LIN28B: variants seen among roughly 807,000 people sequenced by gnomAD.
LIN28B encodes protein lin-28 homolog B.
Under a neutral mutation model 21.9 loss-of-function variants are expected in LIN28B, and 5 were observed. The observed-to-expected ratio is 0.23, with a 90% CI of 0.12 to 0.48. LIN28B has a LOEUF of 0.48. LIN28B is among the 20% of genes least tolerant of loss of function. LIN28B has a pLI of 0.98. For synonymous variants in LIN28B, 109 were observed against 111.3 expected (o/e 0.98, Z 0.13); for missense variants, 245 against 310.5 (o/e 0.79, Z 1.58).
chr6:104,981,901 G>T (rs1770233422), intron 2 of LIN28B, among the ~76,000 whole-genome samples: 1 of 152,120 alleles, frequency 6.6e-6, no homozygotes, highest in Non-Finnish European at 1.5e-5. Context: ...CTACAAATAA[G>T]GTTATGTGAT....
chr6:105,053,831 C>T (rs1437871127), intron 3 of LIN28B, among the ~76,000 whole-genome samples: 1 of 151,916 alleles, frequency 6.6e-6, no homozygotes, highest in Non-Finnish European at 1.5e-5. Context: ...CTCCCGGGTT[C>T]AAGTAATTCT....
chr6:104,966,455 T>A (rs972973479), intron 2 of LIN28B, among the ~76,000 whole-genome samples: 1 of 151,738 alleles, frequency 6.6e-6, no homozygotes, highest in African/African-American at 2.4e-5. Context: ...ATTATAAGAG[T>A]TTTTCTGGTT....
intron 2 of LIN28B, among the ~76,000 whole-genome samples, chr6:104,986,916 C>T (rs1770358138): frequency 2.0e-5 from 3 of 152,194 alleles, no homozygotes; most frequent in South Asian, 2.1e-4. Flanking sequence ...CTAGGGTCAA[C>T]GAACTTTCTC....
intron 2 of LIN28B, among the ~76,000 whole-genome samples, chr6:104,971,280 A>G (rs1455176477): frequency 6.6e-6 from 1 of 152,114 alleles, no homozygotes; most frequent in Non-Finnish European, 1.5e-5. Flanking sequence ...TCTAATAGGC[A>G]TTTTTGTTTA....
chr6:105,027,893 C>T (rs1046957399), intron 3 of LIN28B, among the ~76,000 whole-genome samples: 29 of 152,018 alleles, frequency 1.9e-4, no homozygotes, highest in Non-Finnish European at 7.4e-5. Flanking sequence ...TTCATATTTT[C>T]CTATTGGTTT....
intron 3 of LIN28B, among the ~76,000 whole-genome samples, chr6:105,054,528 C>G: frequency 6.6e-6 from 1 of 152,188 alleles, no homozygotes; most frequent in South Asian, 2.1e-4. Context: ...TCTTTATCCC[C>G]ATTTCACCTT....
intron 3 of LIN28B, among the ~76,000 whole-genome samples, chr6:105,061,286 T>C (rs1582926495): frequency 6.6e-6 from 1 of 152,098 alleles, no homozygotes; most frequent in East Asian, 1.9e-4. Context: ...GCATGGCATC[T>C]GCAACAAAGC....
intron 2 of LIN28B, among the ~76,000 whole-genome samples, chr6:105,021,454 A>G (rs1403855682): frequency 6.6e-6 from 1 of 152,186 alleles, no homozygotes; most frequent in Non-Finnish European, 1.5e-5. Flanking sequence ...GCTGTTTTCT[A>G]TAAAGGTTGT....
intron 3 of LIN28B, 116 bp from the exon 4 acceptor site, chr6:105,078,298 A>G (rs1772474501): frequency 5.4e-6 from 5 of 922,116 alleles, no homozygotes; most frequent in Non-Finnish European, 8.2e-6. Flanking sequence ...TGCTTTTAAG[A>G]AGGCACATTA....
intron 2 of LIN28B, among the ~76,000 whole-genome samples, chr6:104,973,724 T>C (rs1023684174): frequency 1.3e-5 from 2 of 152,260 alleles, no homozygotes; most frequent in African/African-American, 4.8e-5. Context: ...AATTTATTTT[T>C]GATACAGCTG....
chr6:104,992,514 G>GTGTTT (rs1221284024), intron 2 of LIN28B, among the ~76,000 whole-genome samples: 10 of 139,602 alleles, frequency 7.2e-5, no homozygotes, highest in South Asian at 2.3e-4. Context: ...GTGTGTGTGT[G>GTGTTT]TTTTTTTTTT....
intron 3 of LIN28B, among the ~76,000 whole-genome samples, chr6:105,073,149 TC>T (rs34895363): frequency 6.6e-6 from 1 of 152,136 alleles, no homozygotes; most frequent in Non-Finnish European, 1.5e-5. Flanking sequence ...ATCCAGCACT[TC>T]CATGTGTTCA....
intron 3 of LIN28B, among the ~76,000 whole-genome samples, chr6:105,054,824 A>G (rs994097971): frequency 4.8e-5 from 7 of 144,698 alleles, no homozygotes; most frequent in African/African-American, 1.8e-4. Flanking sequence ...ATGTGGTTAC[A>G]TTTTTCTTGA....
chr6:105,072,508 G>A (rs1467721383), intron 3 of LIN28B, among the ~76,000 whole-genome samples: 1 of 152,092 alleles, frequency 6.6e-6, no homozygotes, highest in Non-Finnish European at 1.5e-5. Flanking sequence ...GGGGCATGAT[G>A]CTGGCTTCTA....
chr6:105,035,459 A>G (rs1203219792), intron 3 of LIN28B, among the ~76,000 whole-genome samples: 1 of 152,116 alleles, frequency 6.6e-6, no homozygotes, highest in Non-Finnish European at 1.5e-5. Context: ...TATAACCCCT[A>G]TTCTTACAAG....
At chr6:104,955,008 A>T (rs1282765930), upstream of LIN28B, among the ~76,000 whole-genome samples, 2 of 152,238 alleles carry the variant, frequency 1.3e-5, no homozygotes, top group Non-Finnish European at 2.9e-5. Context: ...CTTTTATGTA[A>T]GTAATAGCAT....
upstream of LIN28B, among the ~76,000 whole-genome samples, chr6:104,955,338 C>T (rs1015489151): frequency 6.6e-6 from 1 of 151,884 alleles, no homozygotes; most frequent in African/African-American, 2.4e-5. Context: ...TAACAGCTGG[C>T]ACAGGATTAT....
rs368530907 is a variant in LIN28B at position 105,023,522 on chromosome 6, AT to A, written c.199-2774del. On this transcript the variant is annotated intron_variant, in intron 2 of 3. Coordinates refer to ENST00000345080, the MANE Select transcript of LIN28B (RefSeq NM_001004317.4). ...ATAATTATATTATATAATATATATAATTATATTATATAATATATATAATATA... is the reference window on the plus strand; with the variant it reads ...ATAATTATATTATATAATATATATAATATATTATATAATATATATAATATA... Among the ~76,000 whole-genome samples, 2 of 304 alleles carry A rather than the reference AT, an allele frequency of 6.6e-3. 1 individual carries two copies. Among genetic ancestry groups the A allele is most frequent in the Non-Finnish European group, 0.016 (2 of 128 alleles). 0.2% of individuals were successfully genotyped at this position (304 alleles called of 152,430 possible).
upstream of LIN28B, among the ~76,000 whole-genome samples, chr6:104,953,215 T>A (rs1459214767): frequency 6.6e-6 from 1 of 152,036 alleles, no homozygotes; most frequent in Non-Finnish European, 1.5e-5. Flanking sequence ...CGTTTTTTCT[T>A]GATCCTCCGA....
Sources: gnomAD v4.1 joint callset for allele counts (sites outside exome capture counted in the v4.1 genomes callset) on GRCh38, gnomAD v4.1.1 for gene constraint, MANE v1.5 for transcripts, NCBI Gene and HGNC (gene_info 2026-07-23, HGNC 2026-07-21) for gene names.